CLTCL1: variants seen among roughly 807,000 people sequenced by gnomAD.
The protein encoded by CLTCL1 is clathrin heavy chain 2.
In CLTCL1, 159 loss-of-function variants were observed where a neutral mutation model predicts 190.0. The ratio of observed to expected loss-of-function variants is 0.84; its 90% confidence interval spans 0.74 to 0.95. The LOEUF (loss-of-function observed/expected upper bound fraction) is 0.95. CLTCL1 is among the 40% of genes least tolerant of loss of function. The pLI is 0.00. For synonymous variants in CLTCL1, 752 were observed against 769.6 expected (o/e 0.98, Z 0.38); for missense variants, 1,878 against 2,033.4 (o/e 0.92, Z 1.47).
chr22:19,183,485 G>T lies in CLTCL1; in HGVS notation c.4732C>A (p.Arg1578Ser). 1 of 1,613,772 alleles carries T rather than the reference G, an allele frequency of 6.2e-7. No individual in the cohort carries two copies. Residue 1578 changes from arginine to serine, a missense_variant, in exon 30 of 33, where the codon CGC (arginine) becomes AGC (serine). Arg to Ser is a moderately radical substitution (Grantham distance 110, BLOSUM62 -1). Coordinates refer to ENST00000427926, the MANE Select transcript of CLTCL1 (RefSeq NM_007098.4). ...GCCAGCTCAAGCACCATGTCTGGGC[G>T]AAGCAGGTCATAGCAGGTGAAGAGA... ...ACLFTCYDLL[R>S]PDMVLELAWR...
intron 32 of CLTCL1, 90 bp downstream of exon 32, chr22:19,180,109 A>C: frequency 8.6e-7 from 1 of 1,156,492 alleles, no homozygotes; most frequent in South Asian, 1.3e-5. Context: ...AGGCCCCAAG[A>C]GAGCAGGCAT....
intron 4 of CLTCL1, among the ~76,000 whole-genome samples, chr22:19,239,789 G>GA (rs2145929817): frequency 6.6e-6 from 1 of 152,226 alleles, no homozygotes; most frequent in East Asian, 1.9e-4. Flanking sequence ...CACTGGAGGC[G>GA]AAACTCACGA....
chr22:19,233,612 C>G lies in CLTCL1; in HGVS notation c.1178G>C (p.Arg393Pro). The change falls in exon 8 of 33, where the codon CGT becomes CCT. Residue 393 changes from arginine to proline, a missense_variant. By Grantham distance (103) the Arg-to-Pro change is moderately radical. Coordinates refer to ENST00000427926, the MANE Select transcript of CLTCL1 (RefSeq NM_007098.4). ...VAASAPKGILRTRETVQKFQS... is the reference protein window; with the variant it reads ...VAASAPKGILPTRETVQKFQS... The stretch of plus-strand genomic sequence containing the variant: ...GAATTTCTGGACCGTCTCTCTGGTA[C>G]GCAGGATTCCCTAATAATAAATGGA... 1 of 1,613,066 alleles carries G rather than the reference C, an allele frequency of 6.2e-7. No individual in the cohort carries two copies. The highest frequency in any genetic ancestry group is 8.5e-7 in the Non-Finnish European group (1 of 1,179,722).
chr22:19,206,254 G>T (rs1381254683), intron 22 of CLTCL1, among the ~76,000 whole-genome samples: 2 of 151,666 alleles, frequency 1.3e-5, no homozygotes, highest in African/African-American at 2.4e-5. Context: ...TAAAGACAGG[G>T]TCTCGCTCTT....
At chr22:19,253,915 T>G in intron 3 of CLTCL1, 44 bp downstream of exon 3, 5 of 1,592,788 alleles carry the variant, frequency 3.1e-6, no homozygotes, top group Non-Finnish European at 4.3e-6. Flanking sequence ...TATTGGGCTT[T>G]GAAGTTACAT....
intron 26 of CLTCL1, among the ~76,000 whole-genome samples, chr22:19,195,183 CA>C (rs1343262142): frequency 6.6e-6 from 1 of 152,158 alleles, no homozygotes; most frequent in Non-Finnish European, 1.5e-5. Context: ...AGCACACAGA[CA>C]AATCTACAAG....
At chr22:19,241,184 A>G (rs1434463815) in intron 4 of CLTCL1, among the ~76,000 whole-genome samples, 1 of 152,134 alleles carries the variant, frequency 6.6e-6, no homozygotes, top group African/African-American at 2.4e-5. Context: ...GCCCACCAGA[A>G]AGCTAGGTGT....
At chr22:19,291,412 C>T (rs958494388) in intron 1 of CLTCL1, among the ~76,000 whole-genome samples, 188 bp downstream of exon 1, 2 of 152,172 alleles carry the variant, frequency 1.3e-5, no homozygotes, top group African/African-American at 2.4e-5. Context: ...GCGACGGCAC[C>T]CAAGCGGGTC....
chr22:19,232,484 T>C lies in CLTCL1; in HGVS notation c.1636A>G (p.Ile546Val), dbSNP rs1346268402. Residue 546 changes from isoleucine (I) to valine (V), a missense_variant, in exon 10 of 33, where the codon ATT becomes GTT. Coordinates refer to ENST00000427926, the MANE Select transcript of CLTCL1 (RefSeq NM_007098.4). ...AAACTGCCTACGCTCACCTGGCTAA[T>C]GTTGGCCAGCGGCTCCTCGTCCTGC... ...LVQDEEPLAN[I>V]SQIVDIFMEN... 1.9e-6 allele frequency: 3 copies of C among 1,613,878 alleles called. No homozygotes were observed. Among genetic ancestry groups the C allele is most frequent in the Non-Finnish European group, 2.5e-6 (3 of 1,179,880 alleles).
intron 1 of CLTCL1, among the ~76,000 whole-genome samples, chr22:19,286,960 T>G (rs1452290155): frequency 1.3e-5 from 2 of 152,190 alleles, no homozygotes; most frequent in Non-Finnish European, 2.9e-5. Context: ...AGAGACACTT[T>G]GAGGGAACAT....
chr22:19,258,873 C>A (rs999775944), intron 2 of CLTCL1: 19 of 478,554 alleles, frequency 4.0e-5, no homozygotes, highest in Admixed American at 9.4e-5. Context: ...TTAAAAAAAA[C>A]CCCAACAATT....
At chr22:19,271,408 C>T (rs1268156376) in intron 2 of CLTCL1, among the ~76,000 whole-genome samples, 1 of 152,072 alleles carries the variant, frequency 6.6e-6, no homozygotes, top group Non-Finnish European at 1.5e-5. Flanking sequence ...CTACTCTGGA[C>T]ACACTGCCTG....
At chr22:19,230,376 C>T (rs1555958406) in intron 10 of CLTCL1, among the ~76,000 whole-genome samples, 1 of 152,066 alleles carries the variant, frequency 6.6e-6, no homozygotes. Context: ...AGTGCTGAGA[C>T]TACAGGCATA....
intron 2 of CLTCL1, among the ~76,000 whole-genome samples, chr22:19,264,792 A>ATT (rs1204022085): frequency 3.4e-5 from 5 of 146,164 alleles, no homozygotes; most frequent in African/African-American, 7.5e-5. Context: ...ATTTCATGCA[A>ATT]TTTTTTTTTT....
Position 19,268,171 on chromosome 22 carries a change from C to T in CLTCL1, c.250+7452G>A, listed in dbSNP as rs112763590. Among the ~76,000 whole-genome samples the T allele has an allele frequency of 2.8e-3, 427 of 152,292 alleles. 4 individuals carry two copies. Among genetic ancestry groups the T allele is most frequent in the African/African-American group, 9.5e-3 (394 of 41,556 alleles). On this transcript the variant is annotated intron_variant, in intron 2 of 32. Coordinates refer to ENST00000427926, the MANE Select transcript of CLTCL1 (RefSeq NM_007098.4). ...GAGCTTGATGGAGGGACTTAGGTTC[C>T]TTTTTGCCCTTCTGTCACAGTGTTC...
rs144828808 is a variant in CLTCL1, at chr22:19,260,416, C to T, written c.251-6189G>A. 1.1e-3 allele frequency among the ~76,000 whole-genome samples: 172 copies of T among 151,616 alleles called. 2 individuals carry two copies. Among genetic ancestry groups the T allele is most frequent in the Non-Finnish European group, 2.0e-3 (136 of 67,986 alleles). On this transcript the variant is annotated intron_variant, in intron 2 of 32. Coordinates refer to ENST00000427926, the MANE Select transcript of CLTCL1 (RefSeq NM_007098.4). ...TTAACTCTCTTGTTAGGGGATAATG[C>T]AGCTGGTAACTTTAAATGGAAGGAA...
intron 3 of CLTCL1, among the ~76,000 whole-genome samples, chr22:19,245,905 T>C (rs1311767700): frequency 6.6e-6 from 1 of 152,216 alleles, no homozygotes; most frequent in Non-Finnish European, 1.5e-5. Flanking sequence ...TCCACTCATT[T>C]GCTGGTGAAC....
chr22:19,250,322 C>T (rs2086552460), intron 3 of CLTCL1, among the ~76,000 whole-genome samples: 1 of 149,538 alleles, frequency 6.7e-6, no homozygotes, highest in South Asian at 2.1e-4. Context: ...TTCTGGGACT[C>T]ATCTGTTCTT....
At chr22:19,247,908 T>C (rs1318910647) in intron 3 of CLTCL1, among the ~76,000 whole-genome samples, 2 of 152,054 alleles carry the variant, frequency 1.3e-5, no homozygotes, top group Admixed American at 6.6e-5. Context: ...TCACATACCA[T>C]AGAACTTATC....
Sources: allele counts gnomAD v4.1 joint callset (sites outside exome capture counted in the v4.1 genomes callset), GRCh38; gene constraint gnomAD v4.1.1; transcripts MANE v1.5; gene names NCBI Gene and HGNC (gene_info 2026-07-23, HGNC 2026-07-21).